CAB39L: variants seen among roughly 807,000 people sequenced by gnomAD.
CAB39L encodes calcium binding protein 39 like.
A neutral mutation model predicts 39.1 loss-of-function variants in CAB39L; 23 were observed. The observed-to-expected ratio is 0.59, with a 90% CI of 0.42 to 0.83. The LOEUF (loss-of-function observed/expected upper bound fraction) is 0.83, where lower values mean the gene tolerates loss of function less well. CAB39L is among the 40% of genes least tolerant of loss of function. CAB39L has a pLI of 0.00. For synonymous variants in CAB39L, 126 were observed against 137.2 expected, an observed-to-expected ratio of 0.92 and a Z score of 0.57; for missense variants, 366 against 391.9, an observed-to-expected ratio of 0.93 and a Z score of 0.56.
intron 10 of CAB39L, among the ~76,000 whole-genome samples, chr13:49,330,343 G>A (rs1954655676): frequency 6.6e-6 from 1 of 152,130 alleles, no homozygotes; most frequent in African/African-American, 2.4e-5. Flanking sequence ...TCTGCGTGTG[G>A]TGAGCAATCC....
At chr13:49,359,149 T>C (rs1955562606) in intron 6 of CAB39L, among the ~76,000 whole-genome samples, 1 of 152,150 alleles carries the variant, frequency 6.6e-6, no homozygotes, top group African/African-American at 2.4e-5. Flanking sequence ...GTCTTTATGA[T>C]TCAGAGTAGC....
intron 7 of CAB39L, among the ~76,000 whole-genome samples, chr13:49,349,054 AT>A (rs1170904924): frequency 6.6e-6 from 1 of 152,124 alleles, no homozygotes; most frequent in Non-Finnish European, 1.5e-5. Flanking sequence ...CTTTCAACAG[AT>A]TTATGGCACC....
At chr13:49,398,561 A>G (rs12862775) in intron 3 of CAB39L, among the ~76,000 whole-genome samples, 24,003 of 152,060 alleles carry the variant, frequency 0.16, 2,191 homozygotes, top group Middle Eastern at 0.24. Flanking sequence ...AAGATTTACA[A>G]TAGACTAAAG....
At chr13:49,431,552 A>T (rs1000492670) in intron 3 of CAB39L, among the ~76,000 whole-genome samples, 7 of 151,972 alleles carry the variant, frequency 4.6e-5, no homozygotes, top group Non-Finnish European at 1.0e-4. Context: ...ACTAAAAATT[A>T]AAAAATTACC....
rs1555268521 is a variant in CAB39L at position 49,442,799 on chromosome 13, A to AAAT, written c.-246+1186_-246+1187insATT. On this transcript the variant is annotated intron_variant, in intron 1 of 10. Transcript: ENST00000409308. ...AGAGACTCCATCTCAAAAAAAAAAA[A>AAAT]AAAAAAAAAAAAAAAAAAAACATCA... Among the ~76,000 whole-genome samples the AAAT allele has an allele frequency of 2.3e-5, 3 of 132,928 alleles. No homozygotes were observed. The South Asian group carries it at 6.7e-4, about 30-fold the overall frequency. 87.2% of individuals were successfully genotyped at this position (132,928 alleles called of 152,430 possible). A position where few individuals can be genotyped will look rare whatever the true frequency, so the allele number is the denominator to read the frequency against.
intron 10 of CAB39L, among the ~76,000 whole-genome samples, chr13:49,329,858 GA>G (rs1446750938): frequency 1.3e-5 from 2 of 152,036 alleles, no homozygotes; most frequent in Admixed American, 6.5e-5. Context: ...GCAAACTGCA[GA>G]AGTGTTTTCC....
intron 5 of CAB39L, among the ~76,000 whole-genome samples, chr13:49,363,634 G>A (rs1306745662): frequency 6.6e-6 from 1 of 151,902 alleles, no homozygotes; most frequent in African/African-American, 2.4e-5. Context: ...CAAAATGGCA[G>A]GAGTAAGCCC....
intron 3 of CAB39L, among the ~76,000 whole-genome samples, chr13:49,427,685 G>A (rs945047029): frequency 3.3e-5 from 5 of 151,902 alleles, no homozygotes; most frequent in Non-Finnish European, 7.4e-5. Flanking sequence ...CAAGACCCTA[G>A]CTCAAAAAAA....
chr13:49,332,725 G>A (rs530538156), intron 9 of CAB39L, among the ~76,000 whole-genome samples: 4 of 151,896 alleles, frequency 2.6e-5, no homozygotes, highest in Admixed American at 6.6e-5. Context: ...AAGAATAGTT[G>A]AAGACCCTCT....
chr13:49,323,975 T>C (rs972901646), intron 10 of CAB39L, among the ~76,000 whole-genome samples: 3 of 152,188 alleles, frequency 2.0e-5, no homozygotes, highest in Non-Finnish European at 4.4e-5. Flanking sequence ...GCAATCCTTA[T>C]CTGGTTCAGA....
chr13:49,391,937 C>A (rs1956496570), intron 3 of CAB39L, among the ~76,000 whole-genome samples: 1 of 144,178 alleles, frequency 6.9e-6, no homozygotes, highest in African/African-American at 2.7e-5. Flanking sequence ...CTCAAACTCT[C>A]AAATTGGGTT....
intron 7 of CAB39L, 127 bp from the exon 8 acceptor site, chr13:49,344,365 T>C (rs1955086339): frequency 6.6e-6 from 4 of 606,952 alleles, no homozygotes; most frequent in Non-Finnish European, 1.1e-5. Flanking sequence ...ACAAAATTAT[T>C]TCCATTCCTA....
intron 5 of CAB39L, among the ~76,000 whole-genome samples, chr13:49,364,865 A>G (rs184316636): frequency 6.6e-5 from 10 of 152,340 alleles, no homozygotes; most frequent in Middle Eastern, 3.4e-3. Context: ...AAATGTTCAT[A>G]CTACCCAACG....
At chr13:49,342,733 G>A (rs910302134) in intron 8 of CAB39L, among the ~76,000 whole-genome samples, 2 of 152,086 alleles carry the variant, frequency 1.3e-5, no homozygotes, top group African/African-American at 2.4e-5. Flanking sequence ...AGGGCCATAC[G>A]CGGCTACTGA....
At chr13:49,320,754 C>T (rs1376837785) in intron 10 of CAB39L, among the ~76,000 whole-genome samples, 1 of 152,196 alleles carries the variant, frequency 6.6e-6, no homozygotes, top group African/African-American at 2.4e-5. Flanking sequence ...CAACCATGTC[C>T]TTATTCATAT....
At chr13:49,419,891 T>C (rs1342940029) in intron 3 of CAB39L, among the ~76,000 whole-genome samples, 1 of 152,132 alleles carries the variant, frequency 6.6e-6, no homozygotes, top group Non-Finnish European at 1.5e-5. Flanking sequence ...GAGCAAGCTA[T>C]CTCTAAAATC....
At chr13:49,312,560 G>A (rs1169247955) in intron 10 of CAB39L, among the ~76,000 whole-genome samples, 1 of 152,162 alleles carries the variant, frequency 6.6e-6, no homozygotes, top group African/African-American at 2.4e-5. Context: ...GTGTGTGGCA[G>A]GCTCCACCAC....
At chr13:49,373,515 G>T (rs902420734) in intron 5 of CAB39L, among the ~76,000 whole-genome samples, 1 of 152,136 alleles carries the variant, frequency 6.6e-6, no homozygotes, top group African/African-American at 2.4e-5. Flanking sequence ...ATCCAAAGAA[G>T]CACCAGGAGA....
chr13:49,440,146 T>C (rs1957486498), intron 1 of CAB39L, among the ~76,000 whole-genome samples: 1 of 152,130 alleles, frequency 6.6e-6, no homozygotes, highest in South Asian at 2.1e-4. Context: ...TAGTCATAAA[T>C]TCTTTCCCAA....
Sources: allele counts gnomAD v4.1 joint callset (sites outside exome capture counted in the v4.1 genomes callset), GRCh38; gene constraint gnomAD v4.1.1; transcripts MANE v1.5; gene names NCBI Gene and HGNC (gene_info 2026-07-23, HGNC 2026-07-21).